Variants in SCARB2 observed in about 807,000 individuals in gnomAD.
The protein encoded by SCARB2 is lysosome membrane protein 2.
SCARB2 carries 29 observed loss-of-function variants against 58.6 expected under a neutral mutation model. The observed-to-expected ratio is 0.49, with a 90% confidence interval of 0.37 to 0.67. SCARB2 has a LOEUF of 0.67. Ranked by LOEUF, SCARB2 falls within the 30% of genes least tolerant of loss-of-function variation. The pLI, the probability that SCARB2 is intolerant of heterozygous loss-of-function variation, is 0.00. For missense variants in SCARB2, 488 were observed against 578.5 expected (o/e 0.84, Z 1.60); for synonymous variants, 195 against 210.1 (o/e 0.93, Z 0.62).
At chr4:76,234,078 A>G (rs998758283) in intron 1 of SCARB2, among the ~76,000 whole-genome samples, 3 of 152,220 alleles carry the variant, frequency 2.0e-5, no homozygotes, top group Non-Finnish European at 4.4e-5. Context: ...AGAAAACACC[A>G]GCCAGCTGCC....
At position 76,169,335 on chromosome 4, in the gene SCARB2, C is replaced by CAT. The variant is rs3835095; in HGVS notation, c.1113+531_1113+532insAT. Among the ~76,000 whole-genome samples, 662 of 142,488 alleles carry CAT rather than the reference C, an allele frequency of 4.6e-3. 5 individuals are homozygous for CAT. The highest frequency in any genetic ancestry group is 0.017 in the African/African-American group (593 of 34,962). 93.5% of individuals were successfully genotyped at this position (142,488 alleles called of 152,430 possible). On this transcript the variant is annotated intron_variant, in intron 8 of 11. Transcript: ENST00000264896. ...TGTATTATACACACACACACACACACACACACGTGTGTATGTCTCCTCTAT... is the reference window on the plus strand; with the variant it reads ...TGTATTATACACACACACACACACACATACACACGTGTGTATGTCTCCTCTAT...
rs999591587 is a variant in SCARB2 at position 76,159,208 on chromosome 4, A to G, written c.*2505T>C. Reference sequence around the variant, plus strand: ...GAGGATCATGGTACCAGAAGCTTGCATTCTGTGATCATGACAGTGCTTACA... The same window carrying G: ...GAGGATCATGGTACCAGAAGCTTGCGTTCTGTGATCATGACAGTGCTTACA... On this transcript the variant is annotated 3_prime_UTR_variant, in exon 12 of 12. Coordinates refer to ENST00000264896, the MANE Select transcript of SCARB2 (RefSeq NM_005506.4). 5 of 152,218 alleles carry G rather than the reference A, an allele frequency of 3.3e-5. No homozygotes were observed. Among genetic ancestry groups the G allele is most frequent in the African/African-American group, 1.2e-4 (5 of 41,458 alleles). The allele number at this position is 152,218 out of a possible 1,614,324, so 9.4% of individuals were successfully genotyped here.
intron 9 of SCARB2, chr4:76,166,791 G>C (rs368422883): frequency 1.8e-5 from 3 of 168,892 alleles, no homozygotes; most frequent in African/African-American, 4.8e-5. Flanking sequence ...GACTCAGAGA[G>C]GCCTAGGATC....
intron 1 of SCARB2, among the ~76,000 whole-genome samples, chr4:76,230,279 C>G (rs1596115): frequency 0.15 from 22,776 of 152,020 alleles, 2,031 homozygotes; most frequent in East Asian, 0.34. Context: ...GGCCACCTCT[C>G]TCACTAAGAA....
Position 76,213,562 on chromosome 4 carries a change from GC to G in SCARB2, c.-20del. ...GGCCCATTCTGTGCGCCGCTCACGG[GC>G]CGGGCCGGGCCGCACCCGCCAGGGA... On this transcript the variant is annotated 5_prime_UTR_variant, in exon 1 of 12. Coordinates refer to ENST00000264896, the MANE Select transcript of SCARB2 (RefSeq NM_005506.4). 1.3e-6 allele frequency: 2 copies of G among 1,580,060 alleles called. No homozygotes were observed. The highest frequency in any genetic ancestry group is 1.7e-6 in the Non-Finnish European group (2 of 1,158,270).
chr4:76,195,844 AC>A lies in SCARB2; in HGVS notation c.137del (p.Gly46ValfsTer87), dbSNP rs1431909177. The A allele has an allele frequency of 6.2e-7, 1 of 1,611,272 alleles. No homozygotes were observed. Among genetic ancestry groups the A allele is most frequent in the East Asian group, 2.2e-5 (1 of 44,894 alleles). Reference sequence around the variant, plus strand: ...TCTCCCAGGAGTCAAATGCCTCAGTACCATTCCTTAACACAATTTTCTAGGA... The same window carrying A: ...TCTCCCAGGAGTCAAATGCCTCAGTACATTCCTTAACACAATTTTCTAGGA... ...SIEKKIVLRN[G>X]TEAFDSWEKP... On this transcript the variant is annotated frameshift_variant, in exon 2 of 12. Coordinates refer to ENST00000264896, the MANE Select transcript of SCARB2 (RefSeq NM_005506.4). LOFTEE classifies it high-confidence loss of function.
At chr4:76,227,639 A>G (rs1733420597) in intron 1 of SCARB2, among the ~76,000 whole-genome samples, 1 of 152,136 alleles carries the variant, frequency 6.6e-6, no homozygotes, top group Non-Finnish European at 1.5e-5. Flanking sequence ...AGTCCCCACT[A>G]TTATTGTGTT....
At chr4:76,218,498 C>A (rs552174713), upstream of SCARB2, among the ~76,000 whole-genome samples, 6 of 152,316 alleles carry the variant, frequency 3.9e-5, no homozygotes, top group South Asian at 1.2e-3. Flanking sequence ...TCCCTGTCTA[C>A]CGCCTCCTCC....
chr4:76,165,609 GAC>G (rs1242909157), intron 10 of SCARB2: 7 of 152,150 alleles, frequency 4.6e-5, no homozygotes, highest in South Asian at 2.1e-4. Context: ...TTATCAGGCT[GAC>G]ACAGATTTTG....
At chr4:76,233,156 T>C (rs1733521704) in intron 1 of SCARB2, among the ~76,000 whole-genome samples, 1 of 152,252 alleles carries the variant, frequency 6.6e-6, no homozygotes, top group Non-Finnish European at 1.5e-5. Flanking sequence ...AATTACATGT[T>C]GTAATGGTAA....
At chr4:76,179,485 A>G in intron 4 of SCARB2, 32 bp downstream of exon 4, 1 of 1,535,404 alleles carries the variant, frequency 6.5e-7, no homozygotes, top group African/African-American at 1.4e-5. Context: ...GTCAGCTAAA[A>G]AAAGAGGTTC....
intron 2 of SCARB2, among the ~76,000 whole-genome samples, chr4:76,182,696 T>A (rs1208096478): frequency 6.6e-6 from 1 of 152,226 alleles, no homozygotes; most frequent in Non-Finnish European, 1.5e-5. Flanking sequence ...CTGAGTGACA[T>A]CATTTAGATT....
intron 1 of SCARB2, among the ~76,000 whole-genome samples, chr4:76,196,517 A>G (rs1439189379): frequency 1.3e-5 from 2 of 152,182 alleles, no homozygotes; most frequent in Non-Finnish European, 2.9e-5. Context: ...TGGATGGTGT[A>G]TCTTCTGTAG....
At chr4:76,177,479 AT>A (rs1732276307) in intron 4 of SCARB2, among the ~76,000 whole-genome samples, 1 of 152,234 alleles carries the variant, frequency 6.6e-6, no homozygotes, top group African/African-American at 2.4e-5. Context: ...GTTAAACAGA[AT>A]TCATAGGACT....
At chr4:76,177,230 T>C (rs1436970967) in intron 4 of SCARB2, 1 of 151,876 alleles carries the variant, frequency 6.6e-6, no homozygotes, top group African/African-American at 2.4e-5. Context: ...AAAGAAAATA[T>C]ACTAATGGCC....
At chr4:76,209,824 C>T (rs538313089) in intron 1 of SCARB2, among the ~76,000 whole-genome samples, 1 of 152,316 alleles carries the variant, frequency 6.6e-6, no homozygotes, top group Non-Finnish European at 1.5e-5. Flanking sequence ...ATGCTACAGT[C>T]CTGCCTTGAC....
At chr4:76,167,706 A>T (rs149724904) in intron 9 of SCARB2, among the ~76,000 whole-genome samples, 2,652 of 104,572 alleles carry the variant, frequency 0.025, 42 homozygotes, top group Non-Finnish European at 0.034. Flanking sequence ...TTCCTGAGAC[A>T]CAGTCTTGCT....
chr4:76,217,060 T>G (rs1733220942), upstream of SCARB2, among the ~76,000 whole-genome samples: 1 of 152,192 alleles, frequency 6.6e-6, no homozygotes, highest in African/African-American at 2.4e-5. Context: ...CTCAATGCCC[T>G]TTGGGACTTC....
intron 11 of SCARB2, chr4:76,162,607 T>A (rs533440879): frequency 3.8e-5 from 6 of 157,382 alleles, no homozygotes; most frequent in African/African-American, 1.4e-4. Context: ...ATCATAGGTA[T>A]CTTCGGATAC....
Sources: allele counts gnomAD v4.1 joint callset (sites outside exome capture counted in the v4.1 genomes callset), GRCh38; gene constraint gnomAD v4.1.1; transcripts MANE v1.5; gene names NCBI Gene and HGNC (gene_info 2026-07-23, HGNC 2026-07-21).